SLC24A2: variants seen among roughly 807,000 people sequenced by gnomAD.
SLC24A2 encodes sodium/potassium/calcium exchanger 2.
SLC24A2 carries 36 observed loss-of-function variants against 62.0 expected under a neutral mutation model. That is an observed-to-expected ratio of 0.58 (90% confidence interval 0.44 to 0.77). SLC24A2 has a LOEUF of 0.77. SLC24A2 is among the 30% of genes least tolerant of loss of function. The pLI is 0.00. For synonymous variants in SLC24A2, 358 were observed against 294.0 expected (o/e 1.22, Z -2.23); for missense variants, 846 against 817.9 (o/e 1.03, Z -0.42).
chr9:19,990,275 G>A, the SLC24A2 span, among the ~76,000 whole-genome samples: 11 of 152,108 alleles, frequency 7.2e-5, no homozygotes, highest in South Asian at 2.3e-3. Flanking sequence ...CCATGGTTTT[G>A]CTTTCCATGG....
chr9:19,671,995 G>T lies in SLC24A2; in HGVS notation c.931-49696C>A, dbSNP rs938714118. On this transcript the variant is annotated intron_variant, in intron 2 of 10. Coordinates refer to ENST00000341998, the MANE Select transcript of SLC24A2 (RefSeq NM_020344.4). ...GATTTTTGCATCTATATTCATCAGG[G>T]ATATTGGTCTGTAATTTTCTTTTTT... Among the ~76,000 whole-genome samples the T allele has an allele frequency of 5.5e-5, 8 of 146,070 alleles. 2 individuals are homozygous for T. The highest frequency in any genetic ancestry group is 2.2e-4 in the South Asian group (1 of 4,646).
the SLC24A2 span, among the ~76,000 whole-genome samples, chr9:20,026,643 T>C: frequency 6.6e-6 from 1 of 152,130 alleles, no homozygotes; most frequent in Non-Finnish European, 1.5e-5. Context: ...GAAATCAGAC[T>C]TATCTTATTC....
the SLC24A2 span, among the ~76,000 whole-genome samples, chr9:20,235,114 T>C: frequency 3.3e-5 from 5 of 152,204 alleles, no homozygotes; most frequent in Non-Finnish European, 7.4e-5. Context: ...TACCTGGCTG[T>C]GTGAGGTGTC....
the SLC24A2 span, among the ~76,000 whole-genome samples, chr9:19,999,314 C>T: frequency 6.6e-6 from 1 of 152,164 alleles, no homozygotes; most frequent in Non-Finnish European, 1.5e-5. Context: ...TGAGTGTTCC[C>T]AGTTAATTGG....
chr9:20,018,736 A>G, the SLC24A2 span, among the ~76,000 whole-genome samples: 1 of 152,268 alleles, frequency 6.6e-6, no homozygotes, highest in East Asian at 1.9e-4. Flanking sequence ...TGATTGAGGT[A>G]GGTATTATTA....
At chr9:19,543,198 T>A (rs1258475239) in intron 8 of SLC24A2, among the ~76,000 whole-genome samples, 2 of 152,338 alleles carry the variant, frequency 1.3e-5, no homozygotes. Context: ...TCTTCTAGAT[T>A]TTCTGGTTTA....
At chr9:20,249,431 C>A in the SLC24A2 span, among the ~76,000 whole-genome samples, 3 of 152,074 alleles carry the variant, frequency 2.0e-5, no homozygotes, top group Non-Finnish European at 4.4e-5. Flanking sequence ...CTGGGCCCAG[C>A]GCAGTGGGTC....
chr9:20,063,521 T>C, the SLC24A2 span, among the ~76,000 whole-genome samples: 7 of 148,542 alleles, frequency 4.7e-5, no homozygotes, highest in Admixed American at 6.7e-5. Context: ...AGGGATGGCA[T>C]TGGGAGATAT....
the SLC24A2 span, among the ~76,000 whole-genome samples, chr9:20,135,627 T>C: frequency 3.9e-5 from 6 of 152,016 alleles, no homozygotes; most frequent in Admixed American, 3.9e-4. Context: ...AACAATCATG[T>C]CTCCCCTTAA....
chr9:20,002,724 G>A, the SLC24A2 span, among the ~76,000 whole-genome samples: 1 of 152,124 alleles, frequency 6.6e-6, no homozygotes. Context: ...AGAAGTTTCT[G>A]GTTTGTCTTC....
chr9:19,636,322 T>TTCTTTTCTTTC (rs376017966), intron 2 of SLC24A2, among the ~76,000 whole-genome samples: 3 of 30,570 alleles, frequency 9.8e-5, no homozygotes, highest in African/African-American at 3.6e-4. Context: ...TTCTTTTCTT[T>TTCTTTTCTTTC]CTTTCTTTCT....
chr9:19,811,469 C>T, the SLC24A2 span, among the ~76,000 whole-genome samples: 5 of 152,076 alleles, frequency 3.3e-5, no homozygotes, highest in Admixed American at 3.3e-4. Flanking sequence ...TATCAACTTG[C>T]TATTTGACTT....
chr9:19,684,658 C>A (rs147923654), intron 2 of SLC24A2, among the ~76,000 whole-genome samples: 6 of 151,962 alleles, frequency 3.9e-5, no homozygotes, highest in African/African-American at 1.4e-4. Flanking sequence ...TCTTTCATTA[C>A]GAAAGACAAA....
At chr9:19,836,809 C>T in the SLC24A2 span, among the ~76,000 whole-genome samples, 1 of 152,134 alleles carries the variant, frequency 6.6e-6, no homozygotes, top group Non-Finnish European at 1.5e-5. Context: ...CCTTGATGAA[C>T]ATTGATGCAA....
chr9:20,058,435 AT>A, the SLC24A2 span, among the ~76,000 whole-genome samples: 1 of 151,948 alleles, frequency 6.6e-6, no homozygotes, highest in African/African-American at 2.4e-5. Flanking sequence ...AAACTATATC[AT>A]AAAACTTATA....
At chr9:19,848,734 A>G in the SLC24A2 span, among the ~76,000 whole-genome samples, 1 of 152,268 alleles carries the variant, frequency 6.6e-6, no homozygotes, top group Middle Eastern at 3.4e-3. Context: ...AAATGTAAAA[A>G]CCTTCTAACC....
the SLC24A2 span, among the ~76,000 whole-genome samples, chr9:20,267,781 A>C: frequency 6.6e-6 from 1 of 152,130 alleles, no homozygotes; most frequent in Non-Finnish European, 1.5e-5. Context: ...AATTTTTTTT[A>C]ATTTCATGTG....
the SLC24A2 span, among the ~76,000 whole-genome samples, chr9:20,067,383 C>T: frequency 6.6e-6 from 1 of 152,100 alleles, no homozygotes; most frequent in East Asian, 1.9e-4. Flanking sequence ...GTGACCATAT[C>T]CTCCTGTGTT....
At chr9:19,718,284 CT>C (rs71335446) in intron 2 of SLC24A2, among the ~76,000 whole-genome samples, 40 of 55,728 alleles carry the variant, frequency 7.2e-4, no homozygotes, top group African/African-American at 3.0e-3. Flanking sequence ...TGATTTAACA[CT>C]TTTTTTTTTT....
Sources: allele counts gnomAD v4.1 joint callset (sites outside exome capture counted in the v4.1 genomes callset), GRCh38; gene constraint gnomAD v4.1.1; transcripts MANE v1.5; gene names NCBI Gene and HGNC (gene_info 2026-07-23, HGNC 2026-07-21).